SLC24A2: variants seen among roughly 807,000 people sequenced by gnomAD.
The protein encoded by SLC24A2 is solute carrier family 24 member 2, also known as sodium/potassium/calcium exchanger 2.
A neutral mutation model predicts 62.0 loss-of-function variants in SLC24A2; 36 were observed. That is an observed-to-expected ratio of 0.58 (90% CI 0.44 to 0.77). SLC24A2 has a LOEUF of 0.77. Ranked by LOEUF, SLC24A2 falls within the 30% of genes least tolerant of loss-of-function variation. The pLI is 0.00. For synonymous variants in SLC24A2, 358 were observed against 294.0 expected, an observed-to-expected ratio of 1.22 and a Z score of -2.23; for missense variants, 846 against 817.9, an observed-to-expected ratio of 1.03 and a Z score of -0.42.
At chr9:20,029,832 GTGTATGTGTGTGTATGCA>G in the SLC24A2 span, among the ~76,000 whole-genome samples, 2 of 152,100 alleles carry the variant, frequency 1.3e-5, no homozygotes, top group African/African-American at 2.4e-5. Context: ...GTCTGTGTGT[GTGTATGTGTGTGTATGCA>G]TGTATGTGTG....
At chr9:20,175,075 G>A in the SLC24A2 span, among the ~76,000 whole-genome samples, 2 of 151,180 alleles carry the variant, frequency 1.3e-5, no homozygotes, top group Admixed American at 6.6e-5. Flanking sequence ...TGAATTAATG[G>A]CATTTGTAGC....
At chr9:20,013,998 C>G in the SLC24A2 span, among the ~76,000 whole-genome samples, 1 of 152,100 alleles carries the variant, frequency 6.6e-6, no homozygotes, top group Non-Finnish European at 1.5e-5. Context: ...CACTTGAGCT[C>G]AGGAGTTGAG....
the SLC24A2 span, among the ~76,000 whole-genome samples, chr9:20,031,506 A>G: frequency 6.6e-5 from 10 of 152,042 alleles, no homozygotes; most frequent in African/African-American, 2.4e-4. Flanking sequence ...GTAAGCCACC[A>G]ATGAATGGAT....
At chr9:20,252,232 T>G in the SLC24A2 span, among the ~76,000 whole-genome samples, 1 of 152,228 alleles carries the variant, frequency 6.6e-6, no homozygotes, top group Non-Finnish European at 1.5e-5. Flanking sequence ...CCAAAGGGTA[T>G]GTCTGGAAAG....
the SLC24A2 span, among the ~76,000 whole-genome samples, chr9:20,114,310 C>G: frequency 6.6e-6 from 1 of 152,104 alleles, no homozygotes; most frequent in African/African-American, 2.4e-5. Flanking sequence ...TTCCCTCTAC[C>G]ATGTGGAAAA....
At chr9:19,653,296 A>G (rs1481476884) in intron 2 of SLC24A2, among the ~76,000 whole-genome samples, 1 of 152,166 alleles carries the variant, frequency 6.6e-6, no homozygotes, top group Non-Finnish European at 1.5e-5. Context: ...TAGGACACTT[A>G]ATCACGTGCA....
chr9:20,112,389 G>A, the SLC24A2 span, among the ~76,000 whole-genome samples: 1 of 152,172 alleles, frequency 6.6e-6, no homozygotes, highest in Non-Finnish European at 1.5e-5. Context: ...AATCAGATGT[G>A]CTATGTATGC....
At chr9:19,674,919 T>A (rs1394064944) in intron 2 of SLC24A2, among the ~76,000 whole-genome samples, 1 of 152,160 alleles carries the variant, frequency 6.6e-6, no homozygotes, top group African/African-American at 2.4e-5. Flanking sequence ...CTTTTGGGAG[T>A]GTTAAAGAAC....
chr9:19,559,540 T>C (rs1324261413), intron 7 of SLC24A2, among the ~76,000 whole-genome samples: 2 of 152,216 alleles, frequency 1.3e-5, no homozygotes, highest in Admixed American at 1.3e-4. Context: ...TTCTGTGTTT[T>C]GTGCAGAGCT....
At chr9:19,734,210 A>T (rs936770373) in intron 2 of SLC24A2, among the ~76,000 whole-genome samples, 8 of 151,856 alleles carry the variant, frequency 5.3e-5, no homozygotes, top group Non-Finnish European at 1.2e-4. Flanking sequence ...ATGTGGCATT[A>T]TTTCTGATGG....
the SLC24A2 span, among the ~76,000 whole-genome samples, chr9:20,179,457 C>T: frequency 6.6e-6 from 1 of 152,182 alleles, no homozygotes; most frequent in South Asian, 2.1e-4. Flanking sequence ...AATATTCAAA[C>T]ATCAGCAGTT....
At chr9:19,860,515 A>C in the SLC24A2 span, among the ~76,000 whole-genome samples, 1 of 152,174 alleles carries the variant, frequency 6.6e-6, no homozygotes, top group Non-Finnish European at 1.5e-5. Context: ...GCACATTCCC[A>C]GCTGTGGTGG....
At chr9:20,009,097 G>T in the SLC24A2 span, among the ~76,000 whole-genome samples, 7 of 152,146 alleles carry the variant, frequency 4.6e-5, no homozygotes, top group Admixed American at 1.3e-4. Flanking sequence ...AAGAATTCTG[G>T]ACTCATGGTT....
intron 2 of SLC24A2, among the ~76,000 whole-genome samples, chr9:19,737,314 A>G (rs1821538616): frequency 3.3e-5 from 5 of 152,234 alleles, no homozygotes; most frequent in Non-Finnish European, 5.9e-5. Flanking sequence ...AAATAAAATT[A>G]TGATTATTGT....
At chr9:20,090,026 C>G in the SLC24A2 span, among the ~76,000 whole-genome samples, 1 of 152,118 alleles carries the variant, frequency 6.6e-6, no homozygotes, top group African/African-American at 2.4e-5. Context: ...TTGGTGCTAC[C>G]CAGCTATCTT....
At chr9:19,943,838 A>G in the SLC24A2 span, among the ~76,000 whole-genome samples, 1 of 152,208 alleles carries the variant, frequency 6.6e-6, no homozygotes, top group South Asian at 2.1e-4. Flanking sequence ...TCATTCATCA[A>G]AAATGTGGTT....
intron 8 of SLC24A2, among the ~76,000 whole-genome samples, chr9:19,531,013 T>G (rs1287381863): frequency 6.6e-6 from 1 of 152,150 alleles, no homozygotes; most frequent in East Asian, 1.9e-4. Context: ...ATCATGATCA[T>G]GATCATCATA....
the SLC24A2 span, among the ~76,000 whole-genome samples, chr9:20,253,529 T>A: frequency 6.6e-6 from 1 of 152,204 alleles, no homozygotes; most frequent in Non-Finnish European, 1.5e-5. Flanking sequence ...AGGGCAGGGT[T>A]CTCAACCTTG....
At chr9:19,992,377 A>C in the SLC24A2 span, among the ~76,000 whole-genome samples, 1 of 152,176 alleles carries the variant, frequency 6.6e-6, no homozygotes, top group African/African-American at 2.4e-5. Flanking sequence ...TATTGAAGAT[A>C]TTTTTACAAT....
Sources: gnomAD v4.1 joint callset for allele counts (sites outside exome capture counted in the v4.1 genomes callset) on GRCh38, gnomAD v4.1.1 for gene constraint, MANE v1.5 for transcripts, NCBI Gene and HGNC (gene_info 2026-07-23, HGNC 2026-07-21) for gene names.